The following CSMD1 variants were observed in gnomAD, a reference collection of about 807,000 sequenced individuals.
The protein encoded by CSMD1 is CUB and Sushi multiple domains 1.
A neutral mutation model predicts 417.5 loss-of-function variants in CSMD1; 213 were observed. That is an observed-to-expected ratio of 0.51 (90% CI 0.46 to 0.57). The LOEUF (loss-of-function observed/expected upper bound fraction) is 0.57. Among genes scored for constraint, CSMD1 ranks in the 20% least tolerant of loss-of-function variants. The pLI, the probability that CSMD1 is intolerant of heterozygous loss-of-function variation, is 0.00. For missense variants in CSMD1, 6,923 were observed against 4,529.7 expected, an observed-to-expected ratio of 1.53 and a Z score of -15.17; for synonymous variants, 2,862 against 1,736.8, an observed-to-expected ratio of 1.65 and a Z score of -16.11.
At chr8:3,893,339 T>TTATATATATATATATATATATATATATA (rs56848640) in intron 5 of CSMD1, among the ~76,000 whole-genome samples, 5,806 of 78,620 alleles carry the variant, frequency 0.074, 659 homozygotes, top group Non-Finnish European at 0.11. Context: ...ATTCACAATT[T>TTATATATATATATATATATATATATATA]TATATATATA....
At chr8:4,219,774 T>C (rs1800916231) in intron 3 of CSMD1, among the ~76,000 whole-genome samples, 1 of 152,200 alleles carries the variant, frequency 6.6e-6, no homozygotes, top group African/African-American at 2.4e-5. Context: ...ATATTTTTAA[T>C]GTCACCAGAT....
intron 1 of CSMD1, among the ~76,000 whole-genome samples, chr8:4,849,216 G>A (rs978667812): frequency 2.6e-5 from 4 of 151,954 alleles, no homozygotes; most frequent in Admixed American, 2.0e-4. Context: ...AAAGCTTGTA[G>A]AATAAAGCTA....
At chr8:3,394,376 G>T (rs571127255) in intron 17 of CSMD1, among the ~76,000 whole-genome samples, 10 of 151,246 alleles carry the variant, frequency 6.6e-5, no homozygotes, top group African/African-American at 2.4e-4. Context: ...TTTCCAGAAA[G>T]AGAAATAAGA....
chr8:2,953,859 T>C (rs897654778), intron 65 of CSMD1, among the ~76,000 whole-genome samples: 3 of 152,262 alleles, frequency 2.0e-5, no homozygotes, highest in African/African-American at 7.2e-5. Context: ...GCCTCATTGA[T>C]ATGAGCTTCC....
At chr8:3,610,039 A>T (rs937562825) in intron 8 of CSMD1, among the ~76,000 whole-genome samples, 1 of 151,818 alleles carries the variant, frequency 6.6e-6, no homozygotes, top group African/African-American at 2.4e-5. Context: ...TGACCTCGAG[A>T]TTCACCCACC....
chr8:3,411,541 A>G (rs933965293), intron 12 of CSMD1, among the ~76,000 whole-genome samples: 6 of 151,428 alleles, frequency 4.0e-5, no homozygotes, highest in Admixed American at 6.6e-5. Flanking sequence ...AGAACATATG[A>G]TGTTTGGCTT....
chr8:3,668,871 A>G (rs1798838982), intron 7 of CSMD1, among the ~76,000 whole-genome samples: 1 of 152,196 alleles, frequency 6.6e-6, no homozygotes, highest in Non-Finnish European at 1.5e-5. Context: ...TCTGGTGGCT[A>G]TCAGCCTTAA....
intron 3 of CSMD1, among the ~76,000 whole-genome samples, chr8:4,210,384 C>G (rs1485829971): frequency 1.3e-5 from 2 of 152,164 alleles, no homozygotes; most frequent in Non-Finnish European, 2.9e-5. Flanking sequence ...CCAACTTTTT[C>G]TTCTCAGGAT....
At chr8:3,758,320 A>T (rs1055703996) in intron 5 of CSMD1, among the ~76,000 whole-genome samples, 5 of 152,114 alleles carry the variant, frequency 3.3e-5, no homozygotes, top group South Asian at 4.1e-4. Context: ...CAATTATACA[A>T]TCCATTTTCC....
chr8:4,107,294 C>A (rs1470844287), intron 3 of CSMD1, among the ~76,000 whole-genome samples: 1 of 152,188 alleles, frequency 6.6e-6, no homozygotes, highest in Non-Finnish European at 1.5e-5. Flanking sequence ...CGCTGCACTG[C>A]CTCATTTAGA....
chr8:4,311,626 G>C (rs931663755), intron 3 of CSMD1, among the ~76,000 whole-genome samples: 5 of 150,944 alleles, frequency 3.3e-5, no homozygotes, highest in African/African-American at 7.3e-5. Flanking sequence ...GGGAAGCTTA[G>C]ACAGGAGAAT....
At chr8:4,375,605 T>A (rs1802683448) in intron 3 of CSMD1, among the ~76,000 whole-genome samples, 1 of 152,148 alleles carries the variant, frequency 6.6e-6, no homozygotes. Context: ...GAAGGCTCAC[T>A]GGCTAACAGC....
At chr8:4,219,844 G>A (rs549358167) in intron 3 of CSMD1, among the ~76,000 whole-genome samples, 62 of 152,152 alleles carry the variant, frequency 4.1e-4, no homozygotes, top group Admixed American at 7.9e-4. Context: ...TACTTTTATT[G>A]TAGTGGGGAG....
intron 3 of CSMD1, among the ~76,000 whole-genome samples, chr8:4,213,756 G>A (rs1189684077): frequency 6.6e-6 from 1 of 152,200 alleles, no homozygotes; most frequent in South Asian, 2.1e-4. Flanking sequence ...ACATGGCTGA[G>A]ATGGGGTTCC....
chr8:3,875,101 G>A (rs1805727796), intron 5 of CSMD1, among the ~76,000 whole-genome samples: 1 of 149,612 alleles, frequency 6.7e-6, no homozygotes, highest in Admixed American at 6.7e-5. Flanking sequence ...CCAGATCCTA[G>A]AGGGGCTTCA....
chr8:4,728,154 T>G (rs1194319196), intron 1 of CSMD1, among the ~76,000 whole-genome samples: 1 of 147,362 alleles, frequency 6.8e-6, no homozygotes, highest in Non-Finnish European at 1.5e-5. Flanking sequence ...ATCAAATATA[T>G]ATATTTTATA....
intron 5 of CSMD1, among the ~76,000 whole-genome samples, chr8:3,823,723 A>C (rs982930551): frequency 2.0e-5 from 3 of 152,158 alleles, no homozygotes; most frequent in African/African-American, 7.2e-5. Context: ...TGAATCAAAT[A>C]ACCTTTTTAA....
rs971264580 is a variant in CSMD1 at position 4,128,318 on chromosome 8, C to G, written c.416-96219G>C. 3.3e-5 allele frequency among the ~76,000 whole-genome samples: 5 copies of G among 152,100 alleles called. No individual in the cohort carries two copies. The East Asian group carries it at 7.8e-4, about 24-fold the overall frequency. On this transcript the variant is annotated intron_variant, in intron 3 of 69. Transcript: ENST00000635120. ...CTCGTGAATTACTACAAATTAGGGTCAGTTTTTAATGAGGAGACAAGAACG... is the reference window on the plus strand; with the variant it reads ...CTCGTGAATTACTACAAATTAGGGTGAGTTTTTAATGAGGAGACAAGAACG...
chr8:4,250,068 G>A (rs979744625), intron 3 of CSMD1, among the ~76,000 whole-genome samples: 37 of 152,250 alleles, frequency 2.4e-4, no homozygotes, highest in African/African-American at 8.4e-4. Flanking sequence ...CTCAGAGTGG[G>A]CTACCCCTCT....
Sources: allele counts gnomAD v4.1 joint callset (sites outside exome capture counted in the v4.1 genomes callset), GRCh38; gene constraint gnomAD v4.1.1; transcripts MANE v1.5; gene names NCBI Gene and HGNC (gene_info 2026-07-23, HGNC 2026-07-21).